ANOS1: variants seen among roughly 807,000 people sequenced by gnomAD.
ANOS1 encodes anosmin 1, also known as anosmin-1.
ANOS1 carries 6 observed loss-of-function variants against 59.0 expected under a neutral mutation model. The observed-to-expected ratio is 0.10, with a 90% CI of 0.06 to 0.20. ANOS1 has a LOEUF of 0.20. ANOS1 is among the 10% of genes least tolerant of loss of function. ANOS1 has a pLI of 1.00. For synonymous variants in ANOS1, 217 were observed against 223.4 expected, an observed-to-expected ratio of 0.97 and a Z score of 0.25; for missense variants, 433 against 542.3, an observed-to-expected ratio of 0.80 and a Z score of 2.00.
intron 2 of ANOS1, among the ~76,000 whole-genome samples, chrX:8,642,155 C>T (rs1436786817): frequency 9.0e-6 from 1 of 111,455 alleles, no homozygotes; most frequent in Non-Finnish European, 1.9e-5. Context: ...AAAAAGAATA[C>T]ATGGAAATAT....
At chrX:8,684,782 C>T (rs1328727690) in intron 2 of ANOS1, among the ~76,000 whole-genome samples, 4 of 110,451 alleles carry the variant, frequency 3.6e-5, no homozygotes, top group Non-Finnish European at 7.6e-5. Context: ...CATTCATCTG[C>T]GACTGACCAA....
At position 8,568,336 on chromosome X, in the gene ANOS1, C is replaced by G; in HGVS notation, c.1103G>C (p.Cys368Ser). 8.3e-7 allele frequency: 1 copy of G among 1,210,230 alleles called. No individual in the cohort carries two copies. Among genetic ancestry groups the G allele is most frequent in the African/African-American group, 1.7e-5 (1 of 57,751 alleles). Residue 368 changes from cysteine to serine, a missense_variant, in exon 8 of 14, where the codon TGT (cysteine) becomes TCT (serine). Coordinates refer to ENST00000262648, the MANE Select transcript of ANOS1 (RefSeq NM_000216.4). ...SVILEKLQPDCDYVVELQAIT... is the reference protein window; with the variant it reads ...SVILEKLQPDSDYVVELQAIT... ...GGCTTGCAATTCCACAACATAGTCA[C>G]AGTCTGGCTGGAGTTTCTCCAGGAT...
intron 2 of ANOS1, among the ~76,000 whole-genome samples, chrX:8,682,328 G>C (rs759106958): frequency 1.1e-4 from 12 of 106,982 alleles, no homozygotes; most frequent in African/African-American, 3.9e-4. Flanking sequence ...GTAAGATCTG[G>C]CTTTTTTCGG....
At chrX:8,729,391 C>CAT (rs1932948755) in intron 1 of ANOS1, among the ~76,000 whole-genome samples, 1 of 72,626 alleles carries the variant, frequency 1.4e-5, no homozygotes, top group Non-Finnish European at 2.5e-5. Flanking sequence ...ACCTTCCTTC[C>CAT]TTTTTTTTTT....
chrX:8,573,192 T>C (rs1437752077), intron 6 of ANOS1, among the ~76,000 whole-genome samples: 2 of 109,271 alleles, frequency 1.8e-5, no homozygotes, highest in African/African-American at 6.7e-5. Context: ...GCCTCCCAAG[T>C]AGCTGGCATT....
At chrX:8,628,826 G>A (rs1332000824) in intron 2 of ANOS1, among the ~76,000 whole-genome samples, 2 of 112,381 alleles carry the variant, frequency 1.8e-5, no homozygotes, top group East Asian at 2.8e-4. Context: ...AATCGCATAT[G>A]TCATCGTTTG....
chrX:8,587,001 C>CA (rs1930525322), intron 5 of ANOS1, among the ~76,000 whole-genome samples: 6 of 106,180 alleles, frequency 5.7e-5, no homozygotes, highest in Non-Finnish European at 1.2e-4. Context: ...ATGATCTAAT[C>CA]AACATAAGGT....
chrX:8,708,283 A>G (rs1932791187), intron 1 of ANOS1, among the ~76,000 whole-genome samples: 1 of 111,736 alleles, frequency 8.9e-6, no homozygotes, highest in African/African-American at 3.3e-5. Flanking sequence ...AGTTTAAAGG[A>G]ACAATAGAAA....
intron 1 of ANOS1, among the ~76,000 whole-genome samples, chrX:8,703,241 A>G (rs1396527583): frequency 8.9e-6 from 1 of 112,265 alleles, no homozygotes; most frequent in Non-Finnish European, 1.9e-5. Flanking sequence ...CTTGGTCCTC[A>G]CAGAGAAGGC....
rs1167209336 is a variant in ANOS1 at position 8,610,006 on chromosome X, C to CAAAAAAAA, written c.319-12758_319-12751dup. ...TGGGCGACAGAGCAAGACTCCATCTCAAAAAAAAAAAAAAAAAAAAAAAAA... is the reference window on the plus strand; with the variant it reads ...TGGGCGACAGAGCAAGACTCCATCTCAAAAAAAAAAAAAAAAAAAAAAAAAAAAAAAAA... On this transcript the variant is annotated intron_variant, in intron 3 of 13. Transcript: ENST00000262648. 2.9e-3 allele frequency among the ~76,000 whole-genome samples: 27 copies of CAAAAAAAA among 9,155 alleles called. 1 individual carries two copies. Among genetic ancestry groups the CAAAAAAAA allele is most frequent in the African/African-American group, 4.7e-3 (21 of 4,503 alleles). The allele number at this position is 9,155 out of a possible 115,157, so 8.0% of individuals were successfully genotyped here. A position where few individuals can be genotyped will look rare whatever the true frequency, so the allele number is the denominator to read the frequency against.
intron 2 of ANOS1, among the ~76,000 whole-genome samples, chrX:8,655,129 A>G (rs916003957): frequency 6.3e-5 from 7 of 111,334 alleles, no homozygotes; most frequent in Non-Finnish European, 1.3e-4. Flanking sequence ...CTTTATTTCT[A>G]TTATTATTAC....
chrX:8,594,734 ATG>A (rs1205906223), intron 4 of ANOS1, among the ~76,000 whole-genome samples: 4 of 80,170 alleles, frequency 5.0e-5, no homozygotes, highest in Admixed American at 2.9e-4. Context: ...CTACATATAT[ATG>A]TGTATATATA....
At position 8,585,365 on chromosome X, in the gene ANOS1, A is replaced by G; in HGVS notation, c.758T>C (p.Ile253Thr). The G allele has an allele frequency of 8.3e-7, 1 of 1,211,404 alleles. No homozygotes were observed. Among genetic ancestry groups the G allele is most frequent in the Non-Finnish European group, 1.1e-6 (1 of 895,072 alleles). ...AAACTGGTACCATCGGCTGGGTCTT[A>G]TGTCAGTCAGTTGAACTCGCTCGTC... is the stretch of plus-strand genomic sequence containing the variant. ...TTDERVQLTDIRPSRWYQFRV... is the reference protein window; with the variant it reads ...TTDERVQLTDTRPSRWYQFRV... Residue 253 changes from isoleucine (I) to threonine (T), a missense_variant, in exon 6 of 14, where the codon ATA (isoleucine) becomes ACA (threonine). Coordinates refer to ENST00000262648, the MANE Select transcript of ANOS1 (RefSeq NM_000216.4).
In ANOS1 at chrX:8,623,597, CG is replaced by C. The variant is rs1569066465; in HGVS notation, c.318+10del. ...GGTCAAGTGTTTTAAGTACCACTGA[CG>C]TTCTCCTACCTCACAAAAGCTTTGG... On this transcript the variant is annotated intron_variant, in intron 3 of 13. Transcript: ENST00000262648. 3 of 1,187,640 alleles carry C rather than the reference CG, an allele frequency of 2.5e-6. No individual in the cohort carries two copies. Among genetic ancestry groups the C allele is most frequent in the South Asian group, 1.8e-5 (1 of 55,966 alleles).
At chrX:8,689,169 C>T (rs1208414594) in intron 2 of ANOS1, among the ~76,000 whole-genome samples, 2 of 112,022 alleles carry the variant, frequency 1.8e-5, no homozygotes, top group Non-Finnish European at 3.8e-5. Context: ...TATTTCCTGG[C>T]CATTTAAGAA....
intron 3 of ANOS1, among the ~76,000 whole-genome samples, chrX:8,613,377 T>C (rs1341520378): frequency 2.8e-5 from 3 of 108,357 alleles, no homozygotes; most frequent in Non-Finnish European, 5.7e-5. Context: ...GACACCATGT[T>C]TGGCTGATTT....
chrX:8,573,517 T>A (rs1388242276), intron 6 of ANOS1, among the ~76,000 whole-genome samples: 1 of 111,820 alleles, frequency 8.9e-6, no homozygotes, highest in African/African-American at 3.3e-5. Context: ...AGGGATCTCA[T>A]CAGGTGTCAC....
chrX:8,705,228 A>T (rs902722902), intron 1 of ANOS1, among the ~76,000 whole-genome samples: 5 of 111,596 alleles, frequency 4.5e-5, no homozygotes, highest in African/African-American at 1.6e-4. Context: ...ACTTAGGTTC[A>T]ATGATCATTT....
chrX:8,605,088 A>G (rs1930915016), intron 3 of ANOS1, among the ~76,000 whole-genome samples: 1 of 112,522 alleles, frequency 8.9e-6, no homozygotes, highest in Admixed American at 9.5e-5. Flanking sequence ...AAATGTTAAG[A>G]TTAAACAAAA....
Sources: allele counts gnomAD v4.1 joint callset (sites outside exome capture counted in the v4.1 genomes callset), GRCh38; gene constraint gnomAD v4.1.1; transcripts MANE v1.5; gene names NCBI Gene and HGNC (gene_info 2026-07-23, HGNC 2026-07-21).